The following TMEM35A variants were observed in gnomAD, a reference collection of about 807,000 sequenced individuals.
The protein encoded by TMEM35A is transmembrane protein 35A, also known as nicotinic acetylcholine receptor chaperone.
For synonymous variants in TMEM35A, 50 were observed against 54.7 expected, an observed-to-expected ratio of 0.91 and a Z score of 0.38; for missense variants, 83 against 132.7, an observed-to-expected ratio of 0.63 and a Z score of 1.84.
chrX:101,089,167 T>C (rs2089315951), intron 1 of TMEM35A, among the ~76,000 whole-genome samples: 1 of 110,887 alleles, frequency 9.0e-6, no homozygotes, highest in South Asian at 3.8e-4. Context: ...GAAAAATCCT[T>C]GATTTAATCT....
chrX:101,092,738 T>C (rs1216207925), intron 1 of TMEM35A, among the ~76,000 whole-genome samples: 1 of 108,133 alleles, frequency 9.2e-6, no homozygotes, highest in Admixed American at 1.0e-4. Flanking sequence ...GGTGTGGTAG[T>C]GCATGGTAGC....
chrX:101,086,121 G>GT (rs1423330275), intron 1 of TMEM35A, among the ~76,000 whole-genome samples: 2 of 109,945 alleles, frequency 1.8e-5, no homozygotes, highest in African/African-American at 6.6e-5. Context: ...AATTGTGTGG[G>GT]TTTTTGTTTT....
intron 1 of TMEM35A, among the ~76,000 whole-genome samples, chrX:101,094,117 GT>G (rs1398011286): frequency 3.6e-5 from 4 of 109,878 alleles, no homozygotes; most frequent in African/African-American, 1.3e-4. Context: ...GATTGCTTGT[GT>G]TTGGATTTTT....
chrX:101,080,970 CAGGAGCTCACAAGG>C (rs1233514608), intron 1 of TMEM35A, among the ~76,000 whole-genome samples: 2 of 110,982 alleles, frequency 1.8e-5, no homozygotes, highest in African/African-American at 6.6e-5. Flanking sequence ...ACCAGCTTAG[CAGGAGCTCACAAGG>C]AGGACCAGCC....
At chrX:101,085,060 A>G (rs1046956604) in intron 1 of TMEM35A, among the ~76,000 whole-genome samples, 1 of 111,728 alleles carries the variant, frequency 9.0e-6, no homozygotes, top group Admixed American at 9.6e-5. Context: ...ATTCTACAGT[A>G]TATTAGCCAA....
intron 1 of TMEM35A, among the ~76,000 whole-genome samples, chrX:101,088,902 A>G (rs184392819): frequency 1.8e-5 from 2 of 110,732 alleles, no homozygotes; most frequent in African/African-American, 6.6e-5. Context: ...CTGCCTCAAA[A>G]AAAAAAAGTG....
chrX:101,081,190 T>C (rs138638081), intron 1 of TMEM35A, among the ~76,000 whole-genome samples: 3,772 of 112,304 alleles, frequency 0.034, 154 homozygotes, highest in African/African-American at 0.12. Context: ...GCTAGGGGCA[T>C]CTAGAGGGAA....
In TMEM35A at chrX:101,094,771, C is replaced by A. The variant is rs1421418495; in HGVS notation, c.319C>A (p.Leu107Met). Residue 107 changes from leucine to methionine, a missense_variant, in exon 2 of 2, where the codon CTG becomes ATG. Coordinates refer to ENST00000372930, the MANE Select transcript of TMEM35A (RefSeq NM_021637.3). ...LVLAVLFFHQLVGDPLKRYAH... is the reference protein window; with the variant it reads ...LVLAVLFFHQMVGDPLKRYAH... ...GTTGGCTGTGCTCTTCTTCCACCAGCTGGTCGGTGATCCTCTCAAACGCTA... is the reference window on the plus strand; with the variant it reads ...GTTGGCTGTGCTCTTCTTCCACCAGATGGTCGGTGATCCTCTCAAACGCTA... The A allele has an allele frequency of 8.3e-7, 1 of 1,211,514 alleles. No homozygotes were observed. Among genetic ancestry groups the A allele is most frequent in the Admixed American group, 2.2e-5 (1 of 45,943 alleles).
chrX:101,083,960 G>A (rs1479600806), intron 1 of TMEM35A, among the ~76,000 whole-genome samples: 1 of 110,413 alleles, frequency 9.1e-6, no homozygotes, highest in Non-Finnish European at 1.9e-5. Flanking sequence ...TTACATGACA[G>A]TGGAAAGTAG....
chrX:101,084,837 C>G (rs913299267), intron 1 of TMEM35A, among the ~76,000 whole-genome samples: 1 of 111,010 alleles, frequency 9.0e-6, no homozygotes, highest in South Asian at 3.7e-4. Flanking sequence ...TGCACTACAG[C>G]CTGGACGACA....
intron 1 of TMEM35A, among the ~76,000 whole-genome samples, chrX:101,088,727 G>A (rs890203144): frequency 5.4e-5 from 6 of 110,617 alleles, no homozygotes; most frequent in Non-Finnish European, 1.1e-4. Context: ...CCAACATGGT[G>A]AAAACCAGTC....
intron 1 of TMEM35A, among the ~76,000 whole-genome samples, chrX:101,094,078 C>T (rs2089331781): frequency 9.0e-6 from 1 of 111,445 alleles, no homozygotes. Flanking sequence ...AAAGATGCTA[C>T]TAAGGTTTAA....
Position 101,094,954 on chromosome X carries a change from T to A in TMEM35A, c.502T>A (p.Ter168LysextTer16). Residue 168 changes from the stop codon to lysine (K), a stop_lost, in exon 2 of 2, where the codon TAG becomes AAG. Coordinates refer to ENST00000372930, the MANE Select transcript of TMEM35A (RefSeq NM_021637.3). ...CCCTCAGGGCAAAGTGAAGGTGTCA[T>A]AGAAAAGTGGAAGTGCAAAGAGTGG... ...KAPQGKVKVS* is the reference protein window; with the variant it reads ...KAPQGKVKVSK The A allele has an allele frequency of 8.5e-7, 1 of 1,175,223 alleles. No individual in the cohort carries two copies. Among genetic ancestry groups the A allele is most frequent in the African/African-American group, 1.8e-5 (1 of 56,900 alleles).
intron 1 of TMEM35A, 62 bp downstream of exon 1, chrX:101,079,184 T>G (rs540481006): frequency 8.6e-7 from 1 of 1,167,228 alleles, no homozygotes; most frequent in African/African-American, 1.8e-5. Flanking sequence ...ACCTCTCCCC[T>G]TTTTTCCTTC....
intron 1 of TMEM35A, among the ~76,000 whole-genome samples, chrX:101,092,062 T>C (rs189047275): frequency 3.6e-5 from 4 of 111,371 alleles, no homozygotes; most frequent in Non-Finnish European, 5.6e-5. Context: ...GCTCTTCCCC[T>C]TATAAACTTC....
At chrX:101,085,118 A>T (rs1187836062) in intron 1 of TMEM35A, among the ~76,000 whole-genome samples, 1 of 111,437 alleles carries the variant, frequency 9.0e-6, no homozygotes, top group Non-Finnish European at 1.9e-5. Flanking sequence ...TGAAGTGGAC[A>T]CTATTTGCCC....
chrX:101,090,820 C>G (rs1409503496), intron 1 of TMEM35A, among the ~76,000 whole-genome samples: 1 of 109,026 alleles, frequency 9.2e-6, no homozygotes, highest in African/African-American at 3.4e-5. Context: ...TCCAATGAGA[C>G]ACCAAGTTCT....
chrX:101,080,213 C>T (rs777181063), intron 1 of TMEM35A, among the ~76,000 whole-genome samples: 1 of 111,691 alleles, frequency 9.0e-6, no homozygotes, highest in African/African-American at 3.2e-5. Flanking sequence ...AAGAGGCAAG[C>T]CCTTTTAGGG....
intron 1 of TMEM35A, 137 bp downstream of exon 1, chrX:101,079,259 G>C: frequency 1.3e-6 from 1 of 789,911 alleles, no homozygotes; most frequent in Non-Finnish European, 1.8e-6. Flanking sequence ...CAACAACTTT[G>C]CAGCTCGGAA....
Sources: gnomAD v4.1 joint callset for allele counts (sites outside exome capture counted in the v4.1 genomes callset) on GRCh38, gnomAD v4.1.1 for gene constraint, MANE v1.5 for transcripts, NCBI Gene and HGNC (gene_info 2026-07-23, HGNC 2026-07-21) for gene names.